Variants in TMEM132D observed in about 807,000 individuals in gnomAD.
The protein encoded by TMEM132D is transmembrane protein 132D, also known as mature OL transmembrane protein.
A neutral mutation model predicts 62.3 loss-of-function variants in TMEM132D; 21 were observed. The observed-to-expected ratio is 0.34, with a 90% CI of 0.24 to 0.49. The LOEUF is 0.49. Among genes scored for constraint, TMEM132D ranks in the 20% least tolerant of loss-of-function variants. TMEM132D has a pLI of 0.99. For missense variants in TMEM132D, 1,346 were observed against 1,402.8 expected (o/e 0.96, Z 0.65); for synonymous variants, 621 against 575.6 (o/e 1.08, Z -1.13).
intron 5 of TMEM132D, among the ~76,000 whole-genome samples, chr12:129,185,058 C>T (rs180815719): frequency 1.6e-4 from 24 of 152,250 alleles, no homozygotes; most frequent in Admixed American, 1.4e-3. Flanking sequence ...CGAGCTGAAC[C>T]TGCGCTGAAC....
At position 129,850,922 on chromosome 12, in the gene TMEM132D, G is replaced by A. The variant is rs183186183; in HGVS notation, c.79+52339C>T. On this transcript the variant is annotated intron_variant, in intron 1 of 8. Transcript: ENST00000422113. ...AAAAAGCTCACCAAAAATAACAGCA[G>A]CTAGGCATTTTTTATTGGTTCCAGC... Among the ~76,000 whole-genome samples, 110 of 152,274 alleles carry A rather than the reference G, an allele frequency of 7.2e-4. 2 individuals are homozygous for A. In the South Asian group the frequency reaches 0.022, roughly 30 times the overall value.
intron 1 of TMEM132D, among the ~76,000 whole-genome samples, chr12:129,881,679 A>T (rs555621559): frequency 2.0e-5 from 3 of 152,054 alleles, no homozygotes; most frequent in Admixed American, 6.5e-5. Flanking sequence ...TTAGGAACTG[A>T]TGTAAGTAGA....
intron 3 of TMEM132D, among the ~76,000 whole-genome samples, chr12:129,507,587 C>T (rs1314730067): frequency 6.6e-6 from 1 of 152,140 alleles, no homozygotes; most frequent in South Asian, 2.1e-4. Context: ...GACTACAATT[C>T]TAAGTGAAGT....
intron 2 of TMEM132D, among the ~76,000 whole-genome samples, chr12:129,589,417 T>C (rs1029993098): frequency 9.2e-5 from 14 of 152,182 alleles, no homozygotes; most frequent in Non-Finnish European, 2.9e-5. Flanking sequence ...GTTATGTCTT[T>C]ATCAGCAGCA....
chr12:129,498,087 G>A (rs1875014700), intron 3 of TMEM132D, among the ~76,000 whole-genome samples: 1 of 151,972 alleles, frequency 6.6e-6, no homozygotes, highest in Non-Finnish European at 1.5e-5. Context: ...ATTCCCTCAT[G>A]GTTCACTTTC....
At chr12:129,725,817 G>C (rs895098987) in intron 1 of TMEM132D, among the ~76,000 whole-genome samples, 2 of 152,236 alleles carry the variant, frequency 1.3e-5, no homozygotes, top group African/African-American at 4.8e-5. Context: ...CTCCTTGCAA[G>C]GTTGGCCCTT....
At chr12:129,551,841 T>C (rs552690615) in intron 2 of TMEM132D, among the ~76,000 whole-genome samples, 4 of 152,336 alleles carry the variant, frequency 2.6e-5, no homozygotes, top group African/African-American at 7.2e-5. Context: ...CAGATTTTAA[T>C]AGTTTGATTA....
At chr12:129,700,730 G>GT in intron 1 of TMEM132D, 32 bp from the exon 2 acceptor site, 1 of 1,564,536 alleles carries the variant, frequency 6.4e-7, no homozygotes, top group South Asian at 1.2e-5. Context: ...GCAGGCGTTA[G>GT]TAATGCTAAG....
At chr12:129,295,450 GAC>G (rs1251121661) in intron 4 of TMEM132D, among the ~76,000 whole-genome samples, 2 of 112,286 alleles carry the variant, frequency 1.8e-5, no homozygotes, top group Non-Finnish European at 3.6e-5. Context: ...TTTTTTTTGA[GAC>G]AGTATCTCGT....
At chr12:129,661,828 T>C (rs962742191) in intron 2 of TMEM132D, among the ~76,000 whole-genome samples, 1 of 152,214 alleles carries the variant, frequency 6.6e-6, no homozygotes, top group Non-Finnish European at 1.5e-5. Flanking sequence ...ACAACAAGAT[T>C]TTATTGTGTC....
chr12:129,500,187 C>G (rs1875091549), intron 3 of TMEM132D, among the ~76,000 whole-genome samples: 1 of 145,050 alleles, frequency 6.9e-6, no homozygotes. Flanking sequence ...CTGTCCCCTA[C>G]TTCAGTTGGT....
intron 2 of TMEM132D, among the ~76,000 whole-genome samples, chr12:129,552,293 T>C (rs1013638022): frequency 2.0e-5 from 3 of 152,194 alleles, no homozygotes; most frequent in Admixed American, 2.0e-4. Context: ...TGCATTTATG[T>C]CTATTATCTA....
intron 4 of TMEM132D, among the ~76,000 whole-genome samples, chr12:129,327,743 G>A (rs753115449): frequency 5.9e-5 from 9 of 152,044 alleles, no homozygotes; most frequent in Non-Finnish European, 1.2e-4. Context: ...ACCACCAAAG[G>A]AGCCCCCAAA....
intron 1 of TMEM132D, among the ~76,000 whole-genome samples, chr12:129,836,607 A>T (rs1873014416): frequency 6.6e-6 from 1 of 152,154 alleles, no homozygotes; most frequent in South Asian, 2.1e-4. Context: ...TGTATACATT[A>T]GCTCTTTATT....
intron 4 of TMEM132D, among the ~76,000 whole-genome samples, chr12:129,241,005 A>G (rs1307708894): frequency 6.6e-6 from 1 of 152,052 alleles, no homozygotes; most frequent in Non-Finnish European, 1.5e-5. Flanking sequence ...AAACTCCCTC[A>G]TTCATGCTGC....
At chr12:129,813,096 T>A (rs1250343280) in intron 1 of TMEM132D, among the ~76,000 whole-genome samples, 1 of 151,844 alleles carries the variant, frequency 6.6e-6, no homozygotes, top group East Asian at 1.9e-4. Context: ...TCATTCTTGA[T>A]TTCCTCCTTT....
At chr12:129,620,402 C>T (rs1414763445) in intron 2 of TMEM132D, among the ~76,000 whole-genome samples, 1 of 152,194 alleles carries the variant, frequency 6.6e-6, no homozygotes, top group Non-Finnish European at 1.5e-5. Context: ...AGTTCGAGGC[C>T]AGCCTGGACA....
At chr12:129,254,916 A>C (rs1880362092) in intron 4 of TMEM132D, among the ~76,000 whole-genome samples, 1 of 152,208 alleles carries the variant, frequency 6.6e-6, no homozygotes, top group South Asian at 2.1e-4. Flanking sequence ...ACCAAATCTC[A>C]TGTCAAGTTG....
intron 3 of TMEM132D, among the ~76,000 whole-genome samples, chr12:129,429,770 T>G (rs1255741622): frequency 1.5e-5 from 2 of 132,590 alleles, no homozygotes; most frequent in African/African-American, 2.8e-5. Flanking sequence ...GTGTGTGATG[T>G]TCCCCTCCCT....
Sources: gnomAD v4.1 joint callset for allele counts (sites outside exome capture counted in the v4.1 genomes callset) on GRCh38, gnomAD v4.1.1 for gene constraint, MANE v1.5 for transcripts, NCBI Gene and HGNC (gene_info 2026-07-23, HGNC 2026-07-21) for gene names.